Variants in NELL1 observed in about 807,000 individuals in gnomAD.
NELL1 encodes the protein protein kinase C-binding protein NELL1.
A neutral mutation model predicts 107.4 loss-of-function variants in NELL1; 76 were observed. That is an observed-to-expected ratio of 0.71 (90% CI 0.59 to 0.86). The LOEUF (loss-of-function observed/expected upper bound fraction) is 0.86. Ranked by LOEUF, NELL1 falls within the 40% of genes least tolerant of loss-of-function variation. The pLI, the probability that NELL1 is intolerant of heterozygous loss-of-function variation, is 0.00. For synonymous variants in NELL1, 353 were observed against 341.2 expected (o/e 1.03, Z -0.38); for missense variants, 1,024 against 1,005.5 (o/e 1.02, Z -0.25).
At position 20,705,000 on chromosome 11, in the gene NELL1, A is replaced by G. The variant is rs548706552; in HGVS notation, c.184+26940A>G. 5.9e-4 allele frequency among the ~76,000 whole-genome samples: 90 copies of G among 152,312 alleles called. No homozygotes were observed. In the Middle Eastern group the frequency reaches 0.014, roughly 23 times the overall value. Reference sequence around the variant, plus strand: ...AAGGAGAACTACAAACCACTGCTCAATGAAATAAAAGAGGATACAAACAAA... The same window carrying G: ...AAGGAGAACTACAAACCACTGCTCAGTGAAATAAAAGAGGATACAAACAAA... On this transcript the variant is annotated intron_variant, in intron 2 of 19. Coordinates refer to ENST00000357134, the MANE Select transcript of NELL1 (RefSeq NM_006157.5).
At chr11:21,006,847 T>A (rs1565011361) in intron 12 of NELL1, among the ~76,000 whole-genome samples, 1 of 152,134 alleles carries the variant, frequency 6.6e-6, no homozygotes, top group African/African-American at 2.4e-5. Context: ...GCGGGCAGGC[T>A]GGGCCAAAGG....
chr11:21,127,833 A>G (rs2133752393), intron 13 of NELL1, among the ~76,000 whole-genome samples: 1 of 152,284 alleles, frequency 6.6e-6, no homozygotes, highest in East Asian at 1.9e-4. Context: ...AGATTATTTG[A>G]AAGATATACT....
chr11:21,454,135 G>T (rs1359824712), intron 15 of NELL1, among the ~76,000 whole-genome samples: 1 of 133,644 alleles, frequency 7.5e-6, no homozygotes, highest in Non-Finnish European at 1.6e-5. Flanking sequence ...GTGTCCATGT[G>T]ATCTCATTGT....
At chr11:20,919,910 A>C (rs911282782) in intron 7 of NELL1, among the ~76,000 whole-genome samples, 1 of 152,104 alleles carries the variant, frequency 6.6e-6, no homozygotes, top group African/African-American at 2.4e-5. Flanking sequence ...TCCACTTAAC[A>C]AGCATCTTTT....
chr11:20,790,143 A>G (rs578166816), intron 3 of NELL1, among the ~76,000 whole-genome samples: 1 of 152,292 alleles, frequency 6.6e-6, no homozygotes, highest in South Asian at 2.1e-4. Flanking sequence ...CCTGGCCTGA[A>G]GGCGAAGCCT....
chr11:21,368,109 A>G (rs1021354227), intron 14 of NELL1, among the ~76,000 whole-genome samples: 1 of 152,124 alleles, frequency 6.6e-6, no homozygotes, highest in African/African-American at 2.4e-5. Context: ...AAAGTATTTT[A>G]TGTTTTTGAT....
chr11:21,105,674 T>G (rs1017063214), intron 12 of NELL1, among the ~76,000 whole-genome samples: 33 of 152,090 alleles, frequency 2.2e-4, no homozygotes, highest in Non-Finnish European at 3.7e-4. Flanking sequence ...AGAAATTGAT[T>G]TTGGTGCTGC....
intron 13 of NELL1, among the ~76,000 whole-genome samples, chr11:21,158,117 C>A (rs541820643): frequency 6.6e-6 from 1 of 152,300 alleles, no homozygotes; most frequent in African/African-American, 2.4e-5. Flanking sequence ...TTCTCCCACA[C>A]TAGATGCTTC....
intron 14 of NELL1, among the ~76,000 whole-genome samples, chr11:21,278,602 A>T (rs1848922871): frequency 1.3e-5 from 2 of 152,188 alleles, no homozygotes. Flanking sequence ...GAGATCTATA[A>T]GAGGAAAACT....
chr11:21,458,782 G>C (rs73461297), intron 15 of NELL1, among the ~76,000 whole-genome samples: 2,116 of 152,206 alleles, frequency 0.014, 51 homozygotes, highest in African/African-American at 0.048. Context: ...TTTAGGTGCA[G>C]TATCATCTCT....
At chr11:21,151,380 G>A (rs760027170) in intron 13 of NELL1, among the ~76,000 whole-genome samples, 24 of 152,054 alleles carry the variant, frequency 1.6e-4, no homozygotes, top group Non-Finnish European at 2.4e-4. Context: ...ACTTCTGATC[G>A]CAACTTACAA....
intron 14 of NELL1, among the ~76,000 whole-genome samples, chr11:21,250,793 T>C (rs1266103555): frequency 1.3e-5 from 2 of 152,174 alleles, no homozygotes; most frequent in Non-Finnish European, 2.9e-5. Flanking sequence ...TAAATTATAA[T>C]GTTTGATAGG....
At chr11:21,320,683 A>G (rs1179801678) in intron 14 of NELL1, among the ~76,000 whole-genome samples, 1 of 152,166 alleles carries the variant, frequency 6.6e-6, no homozygotes, top group African/African-American at 2.4e-5. Flanking sequence ...CAAATAGCGA[A>G]AGCCCCCACA....
chr11:20,885,688 C>T (rs1849495693), intron 5 of NELL1, 148 bp downstream of exon 5: 1 of 602,284 alleles, frequency 1.7e-6, no homozygotes. Context: ...TACTTTGTGA[C>T]ACATGCTTTT....
At chr11:21,433,484 C>T (rs1853022465) in intron 15 of NELL1, among the ~76,000 whole-genome samples, 1 of 152,100 alleles carries the variant, frequency 6.6e-6, no homozygotes, top group South Asian at 2.1e-4. Context: ...TATTAATTTA[C>T]ATTTGCACCA....
At chr11:20,961,631 A>T (rs980920745) in intron 12 of NELL1, among the ~76,000 whole-genome samples, 1 of 152,114 alleles carries the variant, frequency 6.6e-6, no homozygotes, top group Non-Finnish European at 1.5e-5. Flanking sequence ...TGACCCTCGA[A>T]CAACACGGGT....
At chr11:20,970,677 C>G (rs998235024) in intron 12 of NELL1, among the ~76,000 whole-genome samples, 2 of 151,996 alleles carry the variant, frequency 1.3e-5, no homozygotes, top group Non-Finnish European at 2.9e-5. Context: ...TACAAAAGCT[C>G]AAAGTGAGAA....
At chr11:20,941,175 C>T (rs1306965291) in intron 10 of NELL1, among the ~76,000 whole-genome samples, 2 of 152,086 alleles carry the variant, frequency 1.3e-5, no homozygotes, top group Admixed American at 6.5e-5. Flanking sequence ...AAACCCACCT[C>T]CAACATATCA....
chr11:20,915,553 T>G (rs186544810), intron 5 of NELL1, among the ~76,000 whole-genome samples: 2 of 150,948 alleles, frequency 1.3e-5, no homozygotes, highest in African/African-American at 2.4e-5. Context: ...CAGGCCCAGA[T>G]AGAGTTGCAT....
Sources: gnomAD v4.1 joint callset for allele counts (sites outside exome capture counted in the v4.1 genomes callset) on GRCh38, gnomAD v4.1.1 for gene constraint, MANE v1.5 for transcripts, NCBI Gene and HGNC (gene_info 2026-07-23, HGNC 2026-07-21) for gene names.